Variants in STRBP observed in about 807,000 individuals in gnomAD.
STRBP encodes the protein spermatid perinuclear RNA-binding protein.
Under a neutral mutation model 80.1 loss-of-function variants are expected in STRBP, and 13 were observed. That is an observed-to-expected ratio of 0.16 (90% CI 0.11 to 0.26). The LOEUF (loss-of-function observed/expected upper bound fraction) is 0.26. STRBP is among the 10% of genes least tolerant of loss of function. STRBP has a pLI of 1.00. For missense variants in STRBP, 485 were observed against 815.2 expected, an observed-to-expected ratio of 0.59 and a Z score of 4.93; for synonymous variants, 284 against 291.2, an observed-to-expected ratio of 0.98 and a Z score of 0.25.
intron 2 of STRBP, among the ~76,000 whole-genome samples, chr9:123,187,896 G>T (rs2038765432): frequency 6.6e-6 from 1 of 151,942 alleles, no homozygotes; most frequent in Non-Finnish European, 1.5e-5. Context: ...TTACATTAGG[G>T]TTCACTCTTT....
chr9:123,161,088 A>C lies in STRBP; in HGVS notation c.536-20T>G. 1 of 1,540,448 alleles carries C rather than the reference A, an allele frequency of 6.5e-7. No individual in the cohort carries two copies. Among genetic ancestry groups the C allele is most frequent in the South Asian group, 1.2e-5 (1 of 85,160 alleles). On this transcript the variant is annotated intron_variant, in intron 6 of 18. Transcript: ENST00000348403. ...CATTTTCTAACAGTAAAATGGGATAAAGAGAGACAAATACAATTTGACCAA... is the reference window on the plus strand; with the variant it reads ...CATTTTCTAACAGTAAAATGGGATACAGAGAGACAAATACAATTTGACCAA...
chr9:123,147,378 A>C (rs185740675), intron 12 of STRBP, among the ~76,000 whole-genome samples: 1 of 152,208 alleles, frequency 6.6e-6, no homozygotes, highest in East Asian at 1.9e-4. Context: ...CAAATCAATC[A>C]AATTCTTCAC....
intron 2 of STRBP, among the ~76,000 whole-genome samples, chr9:123,207,843 T>C (rs1483846105): frequency 1.3e-5 from 2 of 152,242 alleles, no homozygotes; most frequent in African/African-American, 2.4e-5. Context: ...AACATTAGAA[T>C]ATGAGAGAGA....
chr9:123,154,851 A>T (rs1588006116), intron 11 of STRBP, among the ~76,000 whole-genome samples: 2 of 152,246 alleles, frequency 1.3e-5, no homozygotes, highest in South Asian at 4.1e-4. Flanking sequence ...AGTGCTGCTT[A>T]TAAAGAGGAG....
intron 2 of STRBP, among the ~76,000 whole-genome samples, chr9:123,208,040 A>G (rs902968587): frequency 6.6e-6 from 1 of 152,206 alleles, no homozygotes; most frequent in Non-Finnish European, 1.5e-5. Flanking sequence ...TACTAGCAAA[A>G]TAAGTATTCA....
intron 11 of STRBP, among the ~76,000 whole-genome samples, chr9:123,150,366 A>G (rs895582261): frequency 2.0e-5 from 3 of 152,124 alleles, no homozygotes; most frequent in Non-Finnish European, 4.4e-5. Context: ...AAAACAAACA[A>G]TAAGTATCTG....
chr9:123,157,656 C>A (rs967425994), intron 11 of STRBP, among the ~76,000 whole-genome samples: 2 of 152,054 alleles, frequency 1.3e-5, no homozygotes, highest in Admixed American at 6.6e-5. Flanking sequence ...GGGAAGCAAA[C>A]ACATCCTTCT....
At chr9:123,111,707 G>C in intron 3 of STRBP, 1 of 423,848 alleles carries the variant, frequency 2.4e-6, no homozygotes, top group South Asian at 1.8e-5. Flanking sequence ...TCTTTACCCA[G>C]TGTCCATCTG....
chr9:123,145,553 C>A (rs990054900), intron 13 of STRBP, among the ~76,000 whole-genome samples: 1 of 151,980 alleles, frequency 6.6e-6, no homozygotes, highest in African/African-American at 2.4e-5. Flanking sequence ...TGAAGATCTA[C>A]CCAAGGAGAA....
intron 2 of STRBP, among the ~76,000 whole-genome samples, chr9:123,197,236 G>C (rs555584260): frequency 6.6e-6 from 1 of 152,232 alleles, no homozygotes; most frequent in Non-Finnish European, 1.5e-5. Flanking sequence ...GGTTATCAGA[G>C]GCCGAGAGGG....
At chr9:123,197,667 C>CTTTTTTTTTTTTTTTT (rs71388358) in intron 2 of STRBP, among the ~76,000 whole-genome samples, 1 of 87,364 alleles carries the variant, frequency 1.1e-5, no homozygotes, top group African/African-American at 4.7e-5. Context: ...AAACATATTT[C>CTTTTTTTTTTTTTTTT]TTTTTTTTTT....
At chr9:123,164,455 C>A (rs1430070493) in intron 6 of STRBP, among the ~76,000 whole-genome samples, 1 of 152,174 alleles carries the variant, frequency 6.6e-6, no homozygotes, top group Non-Finnish European at 1.5e-5. Flanking sequence ...CTATGCCTAA[C>A]CATGTTCATT....
intron 3 of STRBP, chr9:123,111,721 C>A: frequency 2.5e-6 from 1 of 399,706 alleles, no homozygotes. Context: ...CCATCTGTGC[C>A]GGCTCCAGTT....
intron 11 of STRBP, among the ~76,000 whole-genome samples, chr9:123,148,937 G>A (rs2036938413): frequency 6.6e-6 from 1 of 152,098 alleles, no homozygotes; most frequent in South Asian, 2.1e-4. Context: ...CAGTTTCTTG[G>A]ATAAAGAAGC....
At chr9:123,233,667 CATAATAAA>C (rs1325086554) in intron 2 of STRBP, among the ~76,000 whole-genome samples, 1 of 152,148 alleles carries the variant, frequency 6.6e-6, no homozygotes, top group Non-Finnish European at 1.5e-5. Flanking sequence ...TAAGCTTTTT[CATAATAAA>C]ATGTTTGGAG....
At chr9:123,182,533 T>C (rs2038521301) in intron 3 of STRBP, among the ~76,000 whole-genome samples, 1 of 152,128 alleles carries the variant, frequency 6.6e-6, no homozygotes, top group Non-Finnish European at 1.5e-5. Context: ...CATGGTAAGA[T>C]ATAAAAGAAT....
Position 123,125,150 on chromosome 9 carries a change from G to C in STRBP, c.*447C>G, listed in dbSNP as rs893468754. ...AAATAACTACAGCCCAAATTAAAGTGCCCTGGGGCAAATACATATCAATCA... is the reference window on the plus strand; with the variant it reads ...AAATAACTACAGCCCAAATTAAAGTCCCCTGGGGCAAATACATATCAATCA... On this transcript the variant is annotated 3_prime_UTR_variant, in exon 19 of 19. Coordinates refer to ENST00000348403, the MANE Select transcript of STRBP (RefSeq NM_018387.5). The C allele has an allele frequency of 4.5e-5, 44 of 986,472 alleles. No individual in the cohort carries two copies. Among genetic ancestry groups the C allele is most frequent in the Non-Finnish European group, 5.1e-5 (42 of 830,532 alleles). The allele number at this position is 986,472 out of a possible 1,614,324, so 61.1% of individuals were successfully genotyped here.
intron 4 of STRBP, among the ~76,000 whole-genome samples, chr9:123,175,908 C>T (rs2038198542): frequency 6.6e-6 from 1 of 152,220 alleles, no homozygotes; most frequent in Non-Finnish European, 1.5e-5. Flanking sequence ...CCACTGAACA[C>T]TTGGACACTT....
chr9:123,130,693 C>T (rs1364256820), intron 17 of STRBP, among the ~76,000 whole-genome samples: 1 of 152,152 alleles, frequency 6.6e-6, no homozygotes, highest in Non-Finnish European at 1.5e-5. Context: ...AATAGTGAGA[C>T]ACACAGAAGA....
Sources: allele counts gnomAD v4.1 joint callset (sites outside exome capture counted in the v4.1 genomes callset), GRCh38; gene constraint gnomAD v4.1.1; transcripts MANE v1.5; gene names NCBI Gene and HGNC (gene_info 2026-07-23, HGNC 2026-07-21).